AKAP10: variants seen among roughly 807,000 people sequenced by gnomAD.
AKAP10 encodes A-kinase anchor protein 10, mitochondrial.
AKAP10 carries 24 observed loss-of-function variants against 80.8 expected under a neutral mutation model. That is an observed-to-expected ratio of 0.30 (90% CI 0.22 to 0.42). The LOEUF is 0.42. Among genes scored for constraint, AKAP10 ranks in the 10% least tolerant of loss-of-function variants. The pLI, the probability that AKAP10 is intolerant of heterozygous loss-of-function variation, is 1.00. For missense variants in AKAP10, 661 were observed against 794.9 expected (o/e 0.83, Z 2.03); for synonymous variants, 291 against 277.7 (o/e 1.05, Z -0.48).
chr17:19,909,229 G>A lies in AKAP10; in HGVS notation c.1935C>T (p.Asp645=), dbSNP rs200392888. ...AWKIAKMIVS[D]IMQQAQYDQP... is the part of the protein sequence containing the mutation. ...GATCATACTGAGCCTGCTGCATAAT[G>A]TCACTGACTATCATTTTAGCAATCT... The change falls in exon 14 of 15, where the codon GAC becomes GAT. Residue 645 remains aspartate, a synonymous_variant. Coordinates refer to ENST00000225737, the MANE Select transcript of AKAP10 (RefSeq NM_007202.4). 24 of 1,613,526 alleles carry A rather than the reference G, an allele frequency of 1.5e-5. No homozygotes were observed. The African/African-American group carries it at 2.1e-4, about 14-fold the overall frequency.
intron 8 of AKAP10, 108 bp from the exon 9 acceptor site, chr17:19,936,538 A>G: frequency 4.5e-6 from 5 of 1,106,998 alleles, no homozygotes; most frequent in Non-Finnish European, 6.4e-6. Flanking sequence ...TTGAGCCTGC[A>G]GGCCTAGAAC....
chr17:19,964,514 T>C (rs1442552211), intron 2 of AKAP10, among the ~76,000 whole-genome samples: 1 of 152,214 alleles, frequency 6.6e-6, no homozygotes, highest in East Asian at 1.9e-4. Context: ...AAAGCATATT[T>C]ACTCTCAAAT....
At chr17:19,928,219 G>T (rs919388413) in intron 10 of AKAP10, among the ~76,000 whole-genome samples, 5 of 151,362 alleles carry the variant, frequency 3.3e-5, no homozygotes, top group African/African-American at 1.2e-4. Flanking sequence ...AGTGAGACTT[G>T]GTCTCAAAAA....
chr17:19,956,030 G>T (rs1022352654), intron 4 of AKAP10, among the ~76,000 whole-genome samples: 61 of 152,246 alleles, frequency 4.0e-4, no homozygotes, highest in Non-Finnish European at 1.5e-5. Flanking sequence ...TAGTATTCTG[G>T]AATTCAGAAT....
chr17:19,977,525 A>T, intron 1 of AKAP10, 67 bp downstream of exon 1: 3 of 1,177,586 alleles, frequency 2.5e-6, no homozygotes, highest in Admixed American at 8.5e-5. Context: ...AAGCCCTCGC[A>T]GGCCCACCTG....
At position 19,959,623 on chromosome 17, in the gene AKAP10, TTTAAA is replaced by T. The variant is rs1026055816; in HGVS notation, c.320-1057_320-1053del. ...ATCATTTATCTTATATTTAACTAAA[TTTAAA>T]TTATAACCACAAGCTAATTGTTAGG... On this transcript the variant is annotated intron_variant, in intron 3 of 14. Transcript: ENST00000225737. 1.2e-4 allele frequency among the ~76,000 whole-genome samples: 18 copies of T among 152,338 alleles called. No homozygotes were observed. The East Asian group carries it at 3.3e-3, about 28-fold the overall frequency.
chr17:19,914,628 CAAAAAAAAA>C (rs36071856), intron 12 of AKAP10, among the ~76,000 whole-genome samples: 15 of 58,514 alleles, frequency 2.6e-4, no homozygotes, highest in African/African-American at 7.3e-4. Flanking sequence ...GACCCTATCT[CAAAAAAAAA>C]AAAAAAAAAA....
chr17:19,954,008 G>T (rs2043244503), intron 4 of AKAP10, among the ~76,000 whole-genome samples: 1 of 151,060 alleles, frequency 6.6e-6, no homozygotes, highest in Non-Finnish European at 1.5e-5. Context: ...CTCCAACCTG[G>T]GTGACAGAAG....
intron 4 of AKAP10, among the ~76,000 whole-genome samples, chr17:19,952,002 T>C (rs2043221310): frequency 6.6e-6 from 1 of 150,604 alleles, no homozygotes. Context: ...TCCAAAGATA[T>C]TAATATTATT....
At chr17:19,968,792 T>A (rs2152419331) in intron 1 of AKAP10, among the ~76,000 whole-genome samples, 1 of 152,256 alleles carries the variant, frequency 6.6e-6, no homozygotes, top group South Asian at 2.1e-4. Context: ...TCTTGATTTA[T>A]AAAATTAGGT....
chr17:19,909,087 T>C, intron 14 of AKAP10, 94 bp downstream of exon 14: 1 of 1,028,362 alleles, frequency 9.7e-7, no homozygotes, highest in East Asian at 2.6e-5. Flanking sequence ...CAGCAGTTAA[T>C]CCTTCAAAGG....
intron 12 of AKAP10, among the ~76,000 whole-genome samples, chr17:19,910,259 G>A (rs973108196): frequency 1.3e-5 from 2 of 149,758 alleles, no homozygotes; most frequent in Non-Finnish European, 2.9e-5. Context: ...CCTGGGAGCA[G>A]AGGTTGAAGC....
At chr17:19,924,311 A>G in intron 11 of AKAP10, 97 bp downstream of exon 11, 1 of 854,182 alleles carries the variant, frequency 1.2e-6, no homozygotes, top group Non-Finnish European at 1.7e-6. Context: ...TGGGCATATA[A>G]TAATAGATTA....
In AKAP10 at chr17:19,963,138, A is replaced by G. The variant is rs1211064483; in HGVS notation, c.137-116T>C. 5.2e-6 allele frequency: 4 copies of G among 768,654 alleles called. No homozygotes were observed. The African/African-American group carries it at 7.2e-5, about 14-fold the overall frequency. 47.6% of individuals were successfully genotyped at this position (768,654 alleles called of 1,614,324 possible). A position where few individuals can be genotyped will look rare whatever the true frequency, so the allele number is the denominator to read the frequency against. On this transcript the variant is annotated intron_variant, in intron 2 of 14. Transcript: ENST00000225737. ...AATTTTGTAACATTACTCTTAAGTC[A>G]GCATACTCAGCAAAAAATACTTAAG...
Position 19,920,124 on chromosome 17 carries a change from T to C in AKAP10, c.1752-6A>G. 1.3e-6 allele frequency: 2 copies of C among 1,599,246 alleles called. No individual in the cohort carries two copies. Among genetic ancestry groups the C allele is most frequent in the Non-Finnish European group, 1.7e-6 (2 of 1,167,002 alleles). On this transcript the variant is annotated splice_polypyrimidine_tract_variant and splice_region_variant and intron_variant, in intron 11 of 14. Transcript: ENST00000225737. ...CTCTTCCAAATGTCATCTTCCTAAA[T>C]AAGAATGAACAGAAGACTTTAACTT...
In AKAP10 at chr17:19,970,384, C is replaced by T. The variant is rs984797011; in HGVS notation, c.89-1923G>A. 2.6e-5 allele frequency among the ~76,000 whole-genome samples: 4 copies of T among 152,228 alleles called. No individual in the cohort carries two copies. The East Asian group carries it at 7.7e-4, about 29-fold the overall frequency. The stretch of plus-strand genomic sequence containing the variant: ...TATCAATCAGATCTCCTATGTTATA[C>T]TTCTAACATATACACAACTCAACAA... On this transcript the variant is annotated intron_variant, in intron 1 of 14. Coordinates refer to ENST00000225737, the MANE Select transcript of AKAP10 (RefSeq NM_007202.4).
Position 19,932,146 on chromosome 17 carries a change from CAAATTA to C in AKAP10, c.1468-174_1468-169del, listed in dbSNP as rs542206399. Among the ~76,000 whole-genome samples, 466 of 152,044 alleles carry C rather than the reference CAAATTA, an allele frequency of 3.1e-3. 1 individual carries two copies. Among genetic ancestry groups the C allele is most frequent in the Admixed American group, 5.6e-3 (85 of 15,228 alleles). ...AAGTATTATCCCTTTGTACAGTTTA[CAAATTA>C]AAATTATAATGCATAAGGCTGGGTG... On this transcript the variant is annotated intron_variant, in intron 9 of 14. Transcript: ENST00000225737.
chr17:19,907,423 T>A, intron 14 of AKAP10, among the ~76,000 whole-genome samples: 1 of 150,798 alleles, frequency 6.6e-6, no homozygotes, highest in Non-Finnish European at 1.5e-5. Flanking sequence ...TTTTTTTTTT[T>A]TTTTTGAGAC....
intron 2 of AKAP10, among the ~76,000 whole-genome samples, chr17:19,963,799 G>C (rs2043382697): frequency 6.6e-6 from 1 of 152,040 alleles, no homozygotes; most frequent in Non-Finnish European, 1.5e-5. Context: ...GGGAGACCGA[G>C]GCAGGAGAAT....
Sources: gnomAD v4.1 joint callset for allele counts (sites outside exome capture counted in the v4.1 genomes callset) on GRCh38, gnomAD v4.1.1 for gene constraint, MANE v1.5 for transcripts, NCBI Gene and HGNC (gene_info 2026-07-23, HGNC 2026-07-21) for gene names.